The following ZNF385D variants were observed in gnomAD, a reference collection of about 807,000 sequenced individuals.
The protein encoded by ZNF385D is zinc finger protein 385D, also known as zinc finger protein 659.
ZNF385D carries 15 observed loss-of-function variants against 35.8 expected under a neutral mutation model. That is an observed-to-expected ratio of 0.42 (90% CI 0.28 to 0.64). The LOEUF (loss-of-function observed/expected upper bound fraction) is 0.64. ZNF385D is among the 30% of genes least tolerant of loss of function. The pLI is 0.23. For synonymous variants in ZNF385D, 212 were observed against 186.8 expected (o/e 1.13, Z -1.10); for missense variants, 474 against 494.6 (o/e 0.96, Z 0.39).
chr3:22,167,123 C>T (rs1202285332), intron 3 of ZNF385D, among the ~76,000 whole-genome samples: 2 of 152,190 alleles, frequency 1.3e-5, no homozygotes, highest in Non-Finnish European at 2.9e-5. Context: ...CAGCTTAAAG[C>T]CTGAAAGCCA....
chr3:21,825,266 A>G (rs905467061), intron 3 of ZNF385D, among the ~76,000 whole-genome samples: 5 of 152,214 alleles, frequency 3.3e-5, no homozygotes, highest in African/African-American at 1.2e-4. Flanking sequence ...CCTTGGCTCT[A>G]TGAAGCTTGC....
chr3:21,802,881 T>G (rs569799083), intron 3 of ZNF385D, among the ~76,000 whole-genome samples: 1 of 152,272 alleles, frequency 6.6e-6, no homozygotes, highest in South Asian at 2.1e-4. Flanking sequence ...GCTCAAGGTT[T>G]TGCGTGCAAG....
chr3:21,780,207 C>T (rs2071436288), intron 3 of ZNF385D, among the ~76,000 whole-genome samples: 1 of 152,022 alleles, frequency 6.6e-6, no homozygotes, highest in Admixed American at 6.6e-5. Flanking sequence ...GATCTAACTA[C>T]TTTACTAATA....
chr3:21,916,809 T>C (rs755346567), intron 3 of ZNF385D, among the ~76,000 whole-genome samples: 4 of 152,222 alleles, frequency 2.6e-5, no homozygotes, highest in Non-Finnish European at 5.9e-5. Context: ...GTAACTTTAT[T>C]TGCCAAATAT....
rs1575432248 is a variant in ZNF385D at position 21,670,647 on chromosome 3, G to GCCCCC, written c.23-5620_23-5619insGGGGG. 1.9e-4 allele frequency among the ~76,000 whole-genome samples: 3 copies of GCCCCC among 15,758 alleles called. 1 individual carries two copies. The highest frequency in any genetic ancestry group is 3.7e-4 in the Non-Finnish European group (3 of 8,140). The allele number at this position is 15,758 out of a possible 152,430, so 10.3% of individuals were successfully genotyped here. The stretch of plus-strand genomic sequence containing the variant: ...CTGAGAAATAAAAATGAAATCCTAA[G>GCCCCC]GCGCCCCCCCCCCCCCCCCCCCCCC... On this transcript the variant is annotated intron_variant, in intron 1 of 7. Transcript: ENST00000281523.
chr3:22,175,258 A>G (rs1196371236), intron 2 of ZNF385D, among the ~76,000 whole-genome samples: 1 of 152,088 alleles, frequency 6.6e-6, no homozygotes, highest in African/African-American at 2.4e-5. Flanking sequence ...CATTTTGCAG[A>G]AAGCATTTAA....
chr3:22,158,301 G>T (rs1017231121), intron 3 of ZNF385D, among the ~76,000 whole-genome samples: 6 of 152,028 alleles, frequency 3.9e-5, no homozygotes, highest in Non-Finnish European at 8.8e-5. Context: ...CTACTTCAGA[G>T]TAATCTTAGA....
At chr3:21,721,015 T>G (rs2068517853) in intron 1 of ZNF385D, among the ~76,000 whole-genome samples, 1 of 152,216 alleles carries the variant, frequency 6.6e-6, no homozygotes. Context: ...TTTCTTCTAT[T>G]TAATTTTTAA....
chr3:22,096,799 T>G (rs1238934453), intron 3 of ZNF385D, among the ~76,000 whole-genome samples: 1 of 152,072 alleles, frequency 6.6e-6, no homozygotes, highest in Non-Finnish European at 1.5e-5. Context: ...TGCGGAGTTT[T>G]AAAAATATGG....
chr3:22,298,458 T>G (rs1702719854), intron 2 of ZNF385D, among the ~76,000 whole-genome samples: 1 of 125,000 alleles, frequency 8.0e-6, no homozygotes, highest in Non-Finnish European at 1.8e-5. Flanking sequence ...TATTTATATA[T>G]AATATATAAA....
chr3:22,312,235 G>GA (rs1207379318), intron 2 of ZNF385D, among the ~76,000 whole-genome samples: 1 of 151,972 alleles, frequency 6.6e-6, no homozygotes, highest in Non-Finnish European at 1.5e-5. Flanking sequence ...AAACACTGAG[G>GA]AAAAAAATAG....
At chr3:22,028,317 C>T (rs1697696177) in intron 3 of ZNF385D, among the ~76,000 whole-genome samples, 1 of 152,176 alleles carries the variant, frequency 6.6e-6, no homozygotes, top group Non-Finnish European at 1.5e-5. Flanking sequence ...TCACCAGCCA[C>T]CTCTGTCATC....
chr3:21,768,461 C>G (rs1422837225), intron 3 of ZNF385D, among the ~76,000 whole-genome samples: 1 of 151,826 alleles, frequency 6.6e-6, no homozygotes, highest in African/African-American at 2.4e-5. Context: ...TTTTGGAACT[C>G]TGGAGTCTAT....
chr3:21,601,646 A>G (rs2064293647), intron 2 of ZNF385D, among the ~76,000 whole-genome samples: 1 of 152,220 alleles, frequency 6.6e-6, no homozygotes, highest in Admixed American at 6.5e-5. Flanking sequence ...AAATGTTACC[A>G]TTATTTAATA....
chr3:21,675,847 A>G (rs2066708463), intron 1 of ZNF385D, among the ~76,000 whole-genome samples: 2 of 152,030 alleles, frequency 1.3e-5, no homozygotes, highest in African/African-American at 4.8e-5. Flanking sequence ...TCAACTCATT[A>G]TTTATTCAAT....
intron 3 of ZNF385D, among the ~76,000 whole-genome samples, chr3:21,931,410 A>G (rs985825238): frequency 1.4e-4 from 22 of 152,318 alleles, no homozygotes; most frequent in Admixed American, 3.9e-4. Context: ...TTAAAAATAA[A>G]ATTACAGATG....
intron 2 of ZNF385D, chr3:21,579,344 A>G (rs1398606248): frequency 6.6e-6 from 1 of 152,176 alleles, no homozygotes; most frequent in Non-Finnish European, 1.5e-5. Flanking sequence ...ACGTGGGTCA[A>G]ATGTTGAAAG....
chr3:22,010,133 G>A lies in ZNF385D; in HGVS notation c.325+158684C>T, dbSNP rs142111640. On this transcript the variant is annotated intron_variant, in intron 3 of 5. Coordinates refer to the ZNF385D transcript ENST00000494108. ...GAAAAAAAAATCTACAAGATTCCAA[G>A]ATGAGAAGATTTCATTTAATAAAAA... 1.2e-4 allele frequency among the ~76,000 whole-genome samples: 18 copies of A among 152,172 alleles called. No homozygotes were observed. In the East Asian group the frequency reaches 3.3e-3, roughly 28 times the overall value.
At chr3:22,104,736 T>C (rs1175608635) in intron 3 of ZNF385D, among the ~76,000 whole-genome samples, 4 of 152,146 alleles carry the variant, frequency 2.6e-5, no homozygotes, top group Non-Finnish European at 5.9e-5. Flanking sequence ...AAATAAAGAA[T>C]TGTTATGGGA....
Sources: gnomAD v4.1 joint callset for allele counts (sites outside exome capture counted in the v4.1 genomes callset) on GRCh38, gnomAD v4.1.1 for gene constraint, MANE v1.5 for transcripts, NCBI Gene and HGNC (gene_info 2026-07-23, HGNC 2026-07-21) for gene names.